Variants in PLCB3 observed in about 807,000 individuals in gnomAD.
PLCB3 encodes 1-phosphatidylinositol 4,5-bisphosphate phosphodiesterase beta-3.
In PLCB3, 54 loss-of-function variants were observed where a neutral mutation model predicts 152.1. The observed-to-expected ratio is 0.36, with a 90% CI of 0.29 to 0.45. PLCB3 has a LOEUF of 0.45. PLCB3 is among the 20% of genes least tolerant of loss of function. PLCB3 has a pLI of 1.00. For missense variants in PLCB3, 1,248 were observed against 1,687.5 expected, an observed-to-expected ratio of 0.74 and a Z score of 4.56; for synonymous variants, 717 against 698.7, an observed-to-expected ratio of 1.03 and a Z score of -0.41.
chr11:64,266,471 C>T lies in PLCB3; in HGVS notation c.3357-24C>T, dbSNP rs1055754996. 6 of 1,611,238 alleles carry T rather than the reference C, an allele frequency of 3.7e-6. No individual in the cohort carries two copies. The highest frequency in any genetic ancestry group is 5.1e-6 in the Non-Finnish European group (6 of 1,177,702). ...GCAGGGCAGGTGTCTGGGCCCCGAG[C>T]CATCCTGCGTTGCTCCCGTGCAGGG... On this transcript the variant is annotated intron_variant, in intron 28 of 30. Coordinates refer to ENST00000279230, the MANE Select transcript of PLCB3 (RefSeq NM_000932.5). This position sits in a 1 kb window ranked among gnomAD's most constrained non-coding sequence, Gnocchi z 4.9.
In PLCB3 at chr11:64,261,503, G is replaced by C. The variant is rs147004530; in HGVS notation, c.1828+7G>C. On this transcript the variant is annotated splice_region_variant and intron_variant, in intron 15 of 30. Transcript: ENST00000279230. Reference sequence around the variant, plus strand: ...TCCTTTGAGGCTGCTCGAAGTGAGTGGGGGTGGGTGGCAGGCATGGGAGCT... The same window carrying C: ...TCCTTTGAGGCTGCTCGAAGTGAGTCGGGGTGGGTGGCAGGCATGGGAGCT... The C allele has an allele frequency of 6.2e-7, 1 of 1,612,926 alleles. No individual in the cohort carries two copies. Among genetic ancestry groups the C allele is most frequent in the Admixed American group, 1.7e-5 (1 of 60,028 alleles).
chr11:64,264,810 C>T (rs898833166), intron 22 of PLCB3, 141 bp from the exon 23 acceptor site: 13 of 718,596 alleles, frequency 1.8e-5, no homozygotes, highest in Non-Finnish European at 3.2e-5. Flanking sequence ...TGCAGACAGC[C>T]TCCTGTTACA....
intron 22 of PLCB3, among the ~76,000 whole-genome samples, chr11:64,264,389 G>T (rs1397402796): frequency 6.6e-6 from 1 of 152,198 alleles, no homozygotes; most frequent in East Asian, 1.9e-4. Flanking sequence ...AAGCTGTTCA[G>T]ACGTGGTGTC....
intron 1 of PLCB3, 52 bp from the exon 2 acceptor site, chr11:64,254,363 C>T: frequency 6.9e-7 from 1 of 1,451,074 alleles, no homozygotes; most frequent in Non-Finnish European, 9.7e-7. Flanking sequence ...AGGGGCCAGG[C>T]CTGCACCACA....
chr11:64,257,612 C>G (rs1201041028), intron 10 of PLCB3, among the ~76,000 whole-genome samples: 1 of 151,104 alleles, frequency 6.6e-6, no homozygotes, highest in Non-Finnish European at 1.5e-5. Flanking sequence ...AGTGAGAGAC[C>G]CTTTTCTAAA....
At position 64,266,885 on chromosome 11, in the gene PLCB3, T is replaced by C. The variant is rs879419511; in HGVS notation, c.3415-300T>C. 1.2e-4 allele frequency among the ~76,000 whole-genome samples: 19 copies of C among 152,140 alleles called. No homozygotes were observed. Among genetic ancestry groups the C allele is most frequent in the Admixed American group, 1.2e-3 (18 of 15,294 alleles). On this transcript the variant is annotated intron_variant, in intron 29 of 30. Transcript: ENST00000279230. The surrounding 1 kb of genome is among the most constrained non-coding windows in gnomAD (Gnocchi z 4.9). ...CGCGATCTTGGCTCACTGCAACCTC[T>C]TGGGTTCAAGCAATTCTCTTGCCTC...
intron 14 of PLCB3, among the ~76,000 whole-genome samples, chr11:64,260,772 CAAAAAAAAAAA>C (rs10689916): frequency 1.4e-5 from 1 of 71,608 alleles, no homozygotes; most frequent in African/African-American, 5.6e-5. Flanking sequence ...GACACTATCT[CAAAAAAAAAAA>C]AAAAAAAAAA....
chr11:64,261,511 G>A lies in PLCB3; in HGVS notation c.1828+15G>A, dbSNP rs777754202. The A allele has an allele frequency of 1.2e-6, 2 of 1,612,120 alleles. No individual in the cohort carries two copies. The highest frequency in any genetic ancestry group is 1.7e-6 in the Non-Finnish European group (2 of 1,178,164). On this transcript the variant is annotated intron_variant, in intron 15 of 30. Coordinates refer to ENST00000279230, the MANE Select transcript of PLCB3 (RefSeq NM_000932.5). ...GGCTGCTCGAAGTGAGTGGGGGTGG[G>A]TGGCAGGCATGGGAGCTTGCCCAGC...
At position 64,266,597 on chromosome 11, in the gene PLCB3, A is replaced by G. The variant is rs746329571; in HGVS notation, c.3414+45A>G. On this transcript the variant is annotated intron_variant, in intron 29 of 30. Coordinates refer to ENST00000279230, the MANE Select transcript of PLCB3 (RefSeq NM_000932.5). The surrounding 1 kb of genome is among the most constrained non-coding windows in gnomAD (Gnocchi z 4.9). ...CACCCTACCCCACCTCCCTTCCTTC[A>G]CTCATCAGACACCCATCTCCATGCC... 3.8e-6 allele frequency: 6 copies of G among 1,579,866 alleles called. No homozygotes were observed. The highest frequency in any genetic ancestry group is 5.2e-6 in the Non-Finnish European group (6 of 1,149,680).
chr11:64,261,393 C>T lies in PLCB3; in HGVS notation c.1732-7C>T. The T allele has an allele frequency of 1.2e-6, 2 of 1,610,900 alleles. No individual in the cohort carries two copies. The highest frequency in any genetic ancestry group is 3.3e-5 in the Admixed American group (2 of 60,020). On this transcript the variant is annotated splice_region_variant and splice_polypyrimidine_tract_variant and intron_variant, in intron 14 of 30. Transcript: ENST00000279230. Reference sequence around the variant, plus strand: ...TGGCACTGCTGACCCTGGGTTGGGGCCCACAGGGCACAGCCAGCAGCGAGG... The same window carrying T: ...TGGCACTGCTGACCCTGGGTTGGGGTCCACAGGGCACAGCCAGCAGCGAGG...
At position 64,255,174 on chromosome 11, in the gene PLCB3, G is replaced by A. The variant is rs2031451926; in HGVS notation, c.388-60G>A. On this transcript the variant is annotated intron_variant, in intron 4 of 30. Transcript: ENST00000279230. The surrounding 1 kb of genome is among the most constrained non-coding windows in gnomAD (Gnocchi z 6.8). ...CCAGAGGCAGTTGTGGACCTGGGTT[G>A]TGGCTGGGCAGCCCCTGTGTCCCCC... 1 of 1,536,354 alleles carries A rather than the reference G, an allele frequency of 6.5e-7. No individual in the cohort carries two copies. The highest frequency in any genetic ancestry group is 9.0e-7 in the Non-Finnish European group (1 of 1,111,800).
At chr11:64,263,923 A>G (rs1037631603) in intron 21 of PLCB3, 98 bp from the exon 22 acceptor site, 15 of 1,200,990 alleles carry the variant, frequency 1.2e-5, no homozygotes, top group Middle Eastern at 2.0e-4. Flanking sequence ...AACAGATCTG[A>G]GGACAAGCTC....
intron 19 of PLCB3, 171 bp from the exon 20 acceptor site, chr11:64,263,327 A>C: frequency 1.7e-6 from 1 of 590,904 alleles, no homozygotes; most frequent in South Asian, 2.0e-5. Flanking sequence ...TTAGGCCAGG[A>C]CATGGAAGTG....
rs374562664 is a variant in PLCB3 at position 64,255,684 on chromosome 11, G to T, written c.598-37G>T. 2.5e-6 allele frequency: 4 copies of T among 1,607,194 alleles called. No individual in the cohort carries two copies. Among genetic ancestry groups the T allele is most frequent in the African/African-American group, 1.3e-5 (1 of 74,772 alleles). On this transcript the variant is annotated intron_variant, in intron 7 of 30. Transcript: ENST00000279230. The surrounding 1 kb of genome is among the most constrained non-coding windows in gnomAD (Gnocchi z 6.8). The stretch of plus-strand genomic sequence containing the variant: ...GGCACCCACCCTTACGGGGCTGCCC[G>T]CCCCTGGCTTCTCACCCCACACTCC...
Position 64,256,518 on chromosome 11 carries a change from C to T in PLCB3, c.841C>T (p.Pro281Ser). 1.2e-6 allele frequency: 2 copies of T among 1,613,894 alleles called. No individual in the cohort carries two copies. Among genetic ancestry groups the T allele is most frequent in the South Asian group, 1.1e-5 (1 of 91,086 alleles). The change falls in exon 9 of 31, where the codon CCC (proline) becomes TCC (serine). Residue 281 changes from proline (P) to serine (S), a missense_variant. Coordinates refer to ENST00000279230, the MANE Select transcript of PLCB3 (RefSeq NM_000932.5). Reference sequence around the variant, plus strand: ...CCGGCTGCTCATCGAAAAGTATGAGCCCAACCAGCAGTTTCTGGAGCGAGG... The same window carrying T: ...CCGGCTGCTCATCGAAAAGTATGAGTCCAACCAGCAGTTTCTGGAGCGAGG... ...QARLLIEKYEPNQQFLERDQM... is the reference protein window; with the variant it reads ...QARLLIEKYESNQQFLERDQM...
At position 64,256,643 on chromosome 11, in the gene PLCB3, C is replaced by G; in HGVS notation, c.891C>G (p.Ser297Arg). The change falls in exon 10 of 31, where the codon AGC (serine) becomes AGG (arginine). Residue 297 changes from serine to arginine, a missense_variant. Physicochemically the swap from Ser to Arg is moderately radical, Grantham distance 110. This residue lies in a region of PLCB3 where 299 missense variants were observed against 434.7 expected (regional missense o/e 0.69). Transcript: ENST00000279230. The stretch of plus-strand genomic sequence containing the variant: ...ACCAGATGTCCATGGAGGGCTTTAG[C>G]CGCTACCTGGGAGGCGAGGAGAATG... ...ERDQMSMEGF[S>R]RYLGGEENGI... 6.2e-7 allele frequency: 1 copy of G among 1,614,182 alleles called. No homozygotes were observed.
At position 64,260,247 on chromosome 11, in the gene PLCB3, G is replaced by C; in HGVS notation, c.1731+13G>C. 1 of 1,541,466 alleles carries C rather than the reference G, an allele frequency of 6.5e-7. No individual in the cohort carries two copies. On this transcript the variant is annotated intron_variant, in intron 14 of 30. Transcript: ENST00000279230. ...AACTACAGATGAGGTCAGGCCCACAGGGTGGGCAGGTCGGGGAGGTAGCAT... is the reference window on the plus strand; with the variant it reads ...AACTACAGATGAGGTCAGGCCCACACGGTGGGCAGGTCGGGGAGGTAGCAT...
chr11:64,265,269 GT>G (rs2032056991), intron 24 of PLCB3, 40 bp from the exon 25 acceptor site: 2 of 1,580,168 alleles, frequency 1.3e-6, no homozygotes, highest in Admixed American at 3.5e-5. Context: ...TGCCTTGCAG[GT>G]TCCCCCACCC....
At chr11:64,251,950 A>C (rs1391646443) in intron 1 of PLCB3, among the ~76,000 whole-genome samples, 1 of 151,410 alleles carries the variant, frequency 6.6e-6, no homozygotes, top group Non-Finnish European at 1.5e-5. Flanking sequence ...TCAGCTCTGG[A>C]AAATTTGCCT....
Sources: gnomAD v4.1 joint callset for allele counts (sites outside exome capture counted in the v4.1 genomes callset) on GRCh38, gnomAD v4.1.1 for gene constraint, gnomAD v4.1.1 regional missense constraint, Gnocchi (gnomAD v3.1) non-coding constraint, MANE v1.5 for transcripts, NCBI Gene and HGNC (gene_info 2026-07-23, HGNC 2026-07-21) for gene names.